PRRC2A: variants seen among roughly 807,000 people sequenced by gnomAD.
PRRC2A encodes protein PRRC2A.
In PRRC2A, 59 loss-of-function variants were observed where a neutral mutation model predicts 224.6. That is an observed-to-expected ratio of 0.26 (90% CI 0.21 to 0.33). PRRC2A has a LOEUF of 0.33. Ranked by LOEUF, PRRC2A falls within the 10% of genes least tolerant of loss-of-function variation. PRRC2A has a pLI of 1.00. For missense variants in PRRC2A, 3,095 were observed against 2,880.7 expected (o/e 1.07, Z -1.70); for synonymous variants, 1,194 against 1,109.5 (o/e 1.08, Z -1.51).
chr6:31,632,580 G>A lies in PRRC2A; in HGVS notation c.3907G>A (p.Ala1303Thr). Residue 1303 changes from alanine (A) to threonine (T), a missense_variant, in exon 16 of 31, where the codon GCT (alanine) becomes ACT (threonine). Coordinates refer to ENST00000376033, the MANE Select transcript of PRRC2A (RefSeq NM_004638.4). ...VTVAPAPRRAAAKSPDLSNQN... is the reference protein window; with the variant it reads ...VTVAPAPRRATAKSPDLSNQN... ...AGTGGCCCCAGCACCTCGCCGGGCA[G>A]CTGCCAAGTCTCCTGATCTGTCAAA... 3.1e-6 allele frequency: 5 copies of A among 1,612,926 alleles called. No individual in the cohort carries two copies. The highest frequency in any genetic ancestry group is 4.2e-6 in the Non-Finnish European group (5 of 1,179,912).
chr6:31,634,255 A>G lies in PRRC2A; in HGVS notation c.4739A>G (p.His1580Arg). Residue 1580 changes from histidine (H) to arginine (R), a missense_variant, in exon 19 of 31, where the codon CAT (histidine) becomes CGT (arginine). Coordinates refer to ENST00000376033, the MANE Select transcript of PRRC2A (RefSeq NM_004638.4). ...LLQEESLPPP[H>R]SSGFLGSKPE... Reference sequence around the variant, plus strand: ...CTGTAGGAATCTTTGCCACCTCCTCATAGCTCTGGATTCTTGGGCTCTAAG... The same window carrying G: ...CTGTAGGAATCTTTGCCACCTCCTCGTAGCTCTGGATTCTTGGGCTCTAAG... 1 of 1,588,728 alleles carries G rather than the reference A, an allele frequency of 6.3e-7. No individual in the cohort carries two copies. Among genetic ancestry groups the G allele is most frequent in the Non-Finnish European group, 8.5e-7 (1 of 1,173,774 alleles).
rs139397513 is a variant in PRRC2A, at chr6:31,632,697, C to G, written c.4024C>G (p.Pro1342Ala). The part of the protein sequence containing the change: ...SERRGDKEAP[P>A]PVLLTPKAVG... ...GCGCCGAGGGGACAAAGAGGCACCC[C>G]CACCAGTACTGCTGACACCCAAGGC... Residue 1342 changes from proline (P) to alanine (A), a missense_variant, in exon 16 of 31, where the codon CCA becomes GCA. By Grantham distance (27) the Pro-to-Ala change is conservative (BLOSUM62 -1). This residue lies in a region of PRRC2A where 2,001 missense variants were observed against 1,764.9 expected (regional missense o/e 1.13). Coordinates refer to ENST00000376033, the MANE Select transcript of PRRC2A (RefSeq NM_004638.4). The G allele has an allele frequency of 6.2e-7, 1 of 1,613,016 alleles. No individual in the cohort carries two copies. The highest frequency in any genetic ancestry group is 8.5e-7 in the Non-Finnish European group (1 of 1,180,046).
rs777254410 is a variant in PRRC2A at position 31,632,204 on chromosome 6, C to T, written c.3531C>T (p.Pro1177=). The change falls in exon 16 of 31, where the codon CCC becomes CCT. Residue 1177 remains proline (P), a synonymous_variant. Transcript: ENST00000376033. Reference sequence around the variant, plus strand: ...GCCGGGGCCGAGGAGGAGGGAGGCCCCCTCCTCAAGTTTGCCCAGGCTGGA... The same window carrying T: ...GCCGGGGCCGAGGAGGAGGGAGGCCTCCTCCTCAAGTTTGCCCAGGCTGGA... ...PSRRGRGGGR[P]PPQVCPGWSP... 1.9e-6 allele frequency: 3 copies of T among 1,607,126 alleles called. No individual in the cohort carries two copies. The highest frequency in any genetic ancestry group is 3.4e-5 in the Admixed American group (2 of 58,414).
Position 31,635,447 on chromosome 6 carries a change from A to T in PRRC2A, c.5355A>T (p.Leu1785=). Residue 1785 remains leucine, a synonymous_variant, in exon 23 of 31, where the codon CTA becomes CTT. Coordinates refer to ENST00000376033, the MANE Select transcript of PRRC2A (RefSeq NM_004638.4). ...VGDSLKAEKE[L]TASVTEAIPV... is the part of the protein sequence containing the mutation. The stretch of plus-strand genomic sequence containing the variant: ...ACAGCTTGAAAGCAGAGAAGGAGCT[A>T]ACAGCATCAGTCACTGAGGTAAGTG... 1 of 1,614,204 alleles carries T rather than the reference A, an allele frequency of 6.2e-7. No individual in the cohort carries two copies. Among genetic ancestry groups the T allele is most frequent in the Non-Finnish European group, 8.5e-7 (1 of 1,180,014 alleles).
At position 31,627,655 on chromosome 6, in the gene PRRC2A, G is replaced by A; in HGVS notation, c.1291-110G>A. The A allele has an allele frequency of 7.3e-7, 1 of 1,378,090 alleles. No individual in the cohort carries two copies. Among genetic ancestry groups the A allele is most frequent in the Non-Finnish European group, 9.8e-7 (1 of 1,023,590 alleles). The allele number at this position is 1,378,090 out of a possible 1,614,324, so 85.4% of individuals were successfully genotyped here. A position where few individuals can be genotyped will look rare whatever the true frequency, so the allele number is the denominator to read the frequency against. The stretch of plus-strand genomic sequence containing the variant: ...ACCACCCAGAGAGATCAACCCCAAA[G>A]CCTGGGTCGTTGCATCCTGCAAGTA... On this transcript the variant is annotated intron_variant, in intron 11 of 30. Coordinates refer to ENST00000376033, the MANE Select transcript of PRRC2A (RefSeq NM_004638.4). The surrounding 1 kb of genome is among the most constrained non-coding windows in gnomAD (Gnocchi z 5.6).
Position 31,623,879 on chromosome 6 carries a change from C to G in PRRC2A, c.260C>G (p.Ala87Gly). The G allele has an allele frequency of 5.6e-6, 9 of 1,614,140 alleles. No homozygotes were observed. Among genetic ancestry groups the G allele is most frequent in the Non-Finnish European group, 7.6e-6 (9 of 1,180,024 alleles). ...SLVPKDGTGW[A>G]SKQEQSDPKS... Reference sequence around the variant, plus strand: ...GTGCCAAAAGACGGAACAGGATGGGCAAGCAAACAGGAGCAGTCCGACCCC... The same window carrying G: ...GTGCCAAAAGACGGAACAGGATGGGGAAGCAAACAGGAGCAGTCCGACCCC... The change falls in exon 3 of 31, where the codon GCA becomes GGA. Residue 87 changes from alanine to glycine, a missense_variant. By Grantham distance (60) the Ala-to-Gly change is moderately conservative. Transcript: ENST00000376033.
At position 31,637,239 on chromosome 6, in the gene PRRC2A, T is replaced by C. The variant is rs35595439; in HGVS notation, c.6248T>C (p.Phe2083Ser). Residue 2083 changes from phenylalanine to serine, a missense_variant, in exon 30 of 31, where the codon TTC (phenylalanine) becomes TCC (serine). Transcript: ENST00000376033. ...SSRTPPTGRSFSGLNSRLKAT... is the reference protein window; with the variant it reads ...SSRTPPTGRSSSGLNSRLKAT... ...AGACGCCCTTCTTCCCTTAGGTCCT[T>C]CTCTGGCCTCAATTCCCGTCTCAAG... is the stretch of plus-strand genomic sequence containing the variant. 15,773 of 1,611,058 alleles carry C rather than the reference T, an allele frequency of 9.8e-3. 212 individuals carry two copies. Among genetic ancestry groups the C allele is most frequent in the Middle Eastern group, 0.097 (588 of 6,062 alleles).
chr6:31,624,052 G>T, intron 3 of PRRC2A, 143 bp downstream of exon 3: 1 of 1,166,598 alleles, frequency 8.6e-7, no homozygotes, highest in South Asian at 1.6e-5. Flanking sequence ...CTTGTTAAAT[G>T]ACTAAGGAAT....
In PRRC2A at chr6:31,625,932, T is replaced by C; in HGVS notation, c.839+61T>C. The C allele has an allele frequency of 5.7e-6, 9 of 1,584,230 alleles. No homozygotes were observed. In the South Asian group the frequency reaches 6.7e-5, roughly 12 times the overall value. On this transcript the variant is annotated intron_variant, in intron 8 of 30. Transcript: ENST00000376033. This position sits in a 1 kb window ranked among gnomAD's most constrained non-coding sequence, Gnocchi z 4.1. ...AGGGGAAGCTTATTGGGGGAGGAGA[T>C]GGTTTTCTAGCCAGGAGGCTCAGTC...
chr6:31,632,592 C>T lies in PRRC2A; in HGVS notation c.3919C>T (p.Pro1307Ser), dbSNP rs1323377699. Residue 1307 changes from proline (P) to serine (S), a missense_variant, in exon 16 of 31, where the codon CCT becomes TCT. Physicochemically the swap from Pro to Ser is moderately conservative, Grantham distance 74. Around this residue, in one of 8 missense-constraint regions of PRRC2A, gnomAD observed 2,001 missense variants for 1,764.9 expected, o/e 1.13. Transcript: ENST00000376033. ...PAPRRAAAKS[P>S]DLSNQNSDQA... ...ACCTCGCCGGGCAGCTGCCAAGTCT[C>T]CTGATCTGTCAAACCAGAACTCAGA... 1.2e-6 allele frequency: 2 copies of T among 1,613,064 alleles called. No individual in the cohort carries two copies. The highest frequency in any genetic ancestry group is 1.7e-6 in the Non-Finnish European group (2 of 1,180,016).
chr6:31,635,002 G>A (rs1385423742), intron 21 of PRRC2A, 25 bp downstream of exon 21: 2 of 1,606,926 alleles, frequency 1.2e-6, no homozygotes, highest in Non-Finnish European at 1.7e-6. Context: ...AAGGATAAGG[G>A]GAATGTTTCC....
intron 12 of PRRC2A, 86 bp downstream of exon 12, chr6:31,628,325 A>G (rs1244932774): frequency 3.6e-5 from 53 of 1,477,172 alleles, no homozygotes; most frequent in Non-Finnish European, 4.2e-5. Flanking sequence ...CTGGGGATAA[A>G]TGAAGTAGAA....
At position 31,627,276 on chromosome 6, in the gene PRRC2A, T is replaced by C. The variant is rs1776021010; in HGVS notation, c.1290+78T>C. On this transcript the variant is annotated intron_variant, in intron 11 of 30. Coordinates refer to ENST00000376033, the MANE Select transcript of PRRC2A (RefSeq NM_004638.4). This position sits in a 1 kb window ranked among gnomAD's most constrained non-coding sequence, Gnocchi z 5.6. The stretch of plus-strand genomic sequence containing the variant: ...AGCTGAGTAATTGAAGCGGTTGTGA[T>C]ATAGAGGAAGGGGGGTGCTAAAAAT... The C allele has an allele frequency of 1.8e-6, 2 of 1,083,014 alleles. No individual in the cohort carries two copies. Among genetic ancestry groups the C allele is most frequent in the East Asian group, 2.6e-5 (1 of 39,020 alleles). 67.1% of individuals were successfully genotyped at this position (1,083,014 alleles called of 1,614,324 possible).
Position 31,631,952 on chromosome 6 carries a change from G to GT in PRRC2A, c.3280dup (p.Tyr1094LeufsTer2). 1 of 1,612,914 alleles carries GT rather than the reference G, an allele frequency of 6.2e-7. No individual in the cohort carries two copies. Among genetic ancestry groups the GT allele is most frequent in the Non-Finnish European group, 8.5e-7 (1 of 1,179,960 alleles). On this transcript the variant is annotated frameshift_variant, in exon 16 of 31. Coordinates refer to ENST00000376033, the MANE Select transcript of PRRC2A (RefSeq NM_004638.4). LOFTEE classifies it high-confidence loss of function. This position sits in a 1 kb window ranked among gnomAD's most constrained non-coding sequence, Gnocchi z 4.5. ...GCGAGACACGGAGCGAGGGTTCAGAGTATGAGGAAATCCCCAAGCGGCGCC... is the reference window on the plus strand; with the variant it reads ...GCGAGACACGGAGCGAGGGTTCAGAGTTATGAGGAAATCCCCAAGCGGCGCC...
At position 31,632,555 on chromosome 6, in the gene PRRC2A, A is replaced by G; in HGVS notation, c.3882A>G (p.Thr1294=). 2.5e-6 allele frequency: 4 copies of G among 1,611,918 alleles called. No homozygotes were observed. Among genetic ancestry groups the G allele is most frequent in the Non-Finnish European group, 3.4e-6 (4 of 1,179,344 alleles). ...PGPEEALTTV[T]VAPAPRRAAA... Reference sequence around the variant, plus strand: ...CTGAGGAGGCCCTCACAACAGTCACAGTGGCCCCAGCACCTCGCCGGGCAG... The same window carrying G: ...CTGAGGAGGCCCTCACAACAGTCACGGTGGCCCCAGCACCTCGCCGGGCAG... Residue 1294 remains threonine (T), a synonymous_variant, in exon 16 of 31, where the codon ACA becomes ACG. Transcript: ENST00000376033.
Position 31,631,142 on chromosome 6 carries a change from C to T in PRRC2A, c.2469C>T (p.Ser823=). The change falls in exon 16 of 31, where the codon AGC becomes AGT. Residue 823 remains serine (S), a synonymous_variant. Coordinates refer to ENST00000376033, the MANE Select transcript of PRRC2A (RefSeq NM_004638.4). This position sits in a 1 kb window ranked among gnomAD's most constrained non-coding sequence, Gnocchi z 4.5. Reference sequence around the variant, plus strand: ...TTCTTTCTGTCTGTCTCTTCAGGAGCGAGACTCCTCCAGTACCTCCCCCAC... The same window carrying T: ...TTCTTTCTGTCTGTCTCTTCAGGAGTGAGACTCCTCCAGTACCTCCCCCAC... ...AADEDDKGMR[S]ETPPVPPPPP... 3.3e-6 allele frequency: 5 copies of T among 1,503,662 alleles called. No individual in the cohort carries two copies. The highest frequency in any genetic ancestry group is 1.3e-5 in the South Asian group (1 of 76,664). The allele number at this position is 1,503,662 out of a possible 1,614,324, so 93.1% of individuals were successfully genotyped here. A position where few individuals can be genotyped will look rare whatever the true frequency, so the allele number is the denominator to read the frequency against.
chr6:31,633,992 A>G lies in PRRC2A; in HGVS notation c.4719+3A>G. 1.9e-6 allele frequency: 3 copies of G among 1,604,524 alleles called. No homozygotes were observed. The highest frequency in any genetic ancestry group is 2.5e-6 in the Non-Finnish European group (3 of 1,177,878). Reference sequence around the variant, plus strand: ...GAAAACCAGAGCTGCTACAGGAGGTAAGGGATGGGTTTGAGATTGTGCTTC... The same window carrying G: ...GAAAACCAGAGCTGCTACAGGAGGTGAGGGATGGGTTTGAGATTGTGCTTC... On this transcript the variant is annotated splice_donor_region_variant and intron_variant, in intron 18 of 30. Transcript: ENST00000376033.
At position 31,627,629 on chromosome 6, in the gene PRRC2A, C is replaced by T; in HGVS notation, c.1291-136C>T. The T allele has an allele frequency of 2.6e-6, 3 of 1,139,670 alleles. No individual in the cohort carries two copies. Among genetic ancestry groups the T allele is most frequent in the Non-Finnish European group, 3.6e-6 (3 of 823,968 alleles). The allele number at this position is 1,139,670 out of a possible 1,614,324, so 70.6% of individuals were successfully genotyped here. On this transcript the variant is annotated intron_variant, in intron 11 of 30. Transcript: ENST00000376033. The surrounding 1 kb of genome is among the most constrained non-coding windows in gnomAD (Gnocchi z 5.6). ...AAGAAGACCAGGATAATGAGTTTGT[C>T]ACCACCCAGAGAGATCAACCCCAAA...
Position 31,636,630 on chromosome 6 carries a change from C to T in PRRC2A, c.5934+22C>T, listed in dbSNP as rs937723485. On this transcript the variant is annotated intron_variant, in intron 27 of 30. Coordinates refer to ENST00000376033, the MANE Select transcript of PRRC2A (RefSeq NM_004638.4). This position sits in a 1 kb window ranked among gnomAD's most constrained non-coding sequence, Gnocchi z 4.3. ...GCAGGTATATTGTATCTTCACACTTCCCCTTCATTTGATTTCTCTGTCCAG... is the reference window on the plus strand; with the variant it reads ...GCAGGTATATTGTATCTTCACACTTTCCCTTCATTTGATTTCTCTGTCCAG... The T allele has an allele frequency of 1.9e-6, 3 of 1,588,144 alleles. No homozygotes were observed. Among genetic ancestry groups the T allele is most frequent in the East Asian group, 2.2e-5 (1 of 44,638 alleles).
Sources: allele counts gnomAD v4.1 joint callset, GRCh38; gene constraint gnomAD v4.1.1; regional missense constraint gnomAD v4.1.1; non-coding constraint Gnocchi (gnomAD v3.1); transcripts MANE v1.5; gene names NCBI Gene and HGNC (gene_info 2026-07-23, HGNC 2026-07-21).